RGS7: variants seen among roughly 807,000 people sequenced by gnomAD.
RGS7 encodes regulator of G-protein signaling 7.
A neutral mutation model predicts 81.1 loss-of-function variants in RGS7; 27 were observed. The ratio of observed to expected loss-of-function variants is 0.33; its 90% confidence interval spans 0.25 to 0.46. The LOEUF is 0.46. Among genes scored for constraint, RGS7 ranks in the 20% least tolerant of loss-of-function variants. RGS7 has a pLI of 1.00. For missense variants in RGS7, 396 were observed against 607.4 expected (o/e 0.65, Z 3.66); for synonymous variants, 208 against 207.7 (o/e 1.00, Z -0.01).
intron 2 of RGS7, among the ~76,000 whole-genome samples, chr1:241,263,030 C>A (rs1359983521): frequency 6.6e-6 from 1 of 150,834 alleles, no homozygotes; most frequent in Non-Finnish European, 1.5e-5. Flanking sequence ...AACCAGAAGG[C>A]TGAGGTTGCA....
At chr1:240,882,872 A>G (rs1472702422) in intron 6 of RGS7, among the ~76,000 whole-genome samples, 1 of 152,174 alleles carries the variant, frequency 6.6e-6, no homozygotes, top group Non-Finnish European at 1.5e-5. Context: ...AACAAAATAG[A>G]GCCATTTAAT....
At chr1:241,291,906 A>G (rs2079111828) in intron 2 of RGS7, among the ~76,000 whole-genome samples, 1 of 152,130 alleles carries the variant, frequency 6.6e-6, no homozygotes, top group Non-Finnish European at 1.5e-5. Context: ...AAGCACTAGG[A>G]GCTTTCCATC....
At chr1:240,807,260 T>C (rs556677076) in intron 14 of RGS7, among the ~76,000 whole-genome samples, 15 of 152,206 alleles carry the variant, frequency 9.9e-5, no homozygotes, top group Non-Finnish European at 1.9e-4. Flanking sequence ...CTAGAAATAA[T>C]GTTTAAAAGA....
chr1:241,115,489 T>C (rs1429663109), intron 2 of RGS7, among the ~76,000 whole-genome samples: 3 of 152,190 alleles, frequency 2.0e-5, no homozygotes, highest in Non-Finnish European at 4.4e-5. Context: ...AAAAATCCAC[T>C]CGTCCAGCTT....
At chr1:240,886,008 GC>G (rs756834074) in intron 6 of RGS7, among the ~76,000 whole-genome samples, 2 of 152,012 alleles carry the variant, frequency 1.3e-5, no homozygotes, top group Non-Finnish European at 2.9e-5. Flanking sequence ...TTGCTCTTTT[GC>G]TTATCGTATT....
At chr1:240,835,897 A>T (rs1156586317) in intron 9 of RGS7, among the ~76,000 whole-genome samples, 1 of 152,208 alleles carries the variant, frequency 6.6e-6, no homozygotes, top group Non-Finnish European at 1.5e-5. Flanking sequence ...CGATGGAGAC[A>T]AATAGTTTTG....
chr1:241,091,287 G>A (rs2678781), intron 3 of RGS7, among the ~76,000 whole-genome samples: 25,963 of 151,772 alleles, frequency 0.17, 2,490 homozygotes, highest in African/African-American at 0.26. Context: ...TGTGGCTCAC[G>A]CCTGTAATCT....
intron 15 of RGS7, among the ~76,000 whole-genome samples, chr1:240,804,483 T>C (rs1279594793): frequency 6.6e-6 from 1 of 152,054 alleles, no homozygotes; most frequent in Non-Finnish European, 1.5e-5. Flanking sequence ...GAATTAAATA[T>C]CTGAGCTTAA....
In RGS7 at chr1:240,958,503, G is replaced by C. The variant is rs543678221; in HGVS notation, c.227-21797C>G. Among the ~76,000 whole-genome samples the C allele has an allele frequency of 3.3e-5, 5 of 152,282 alleles. No homozygotes were observed. In the South Asian group the frequency reaches 1.0e-3, roughly 32 times the overall value. On this transcript the variant is annotated intron_variant, in intron 4 of 18. Coordinates refer to ENST00000440928, the MANE Select transcript of RGS7 (RefSeq NM_001364886.1). ...TCAGCTGTTTCATGTCATGGAATTA[G>C]ATATGCTTTGATTACAGTTTCTGCT...
At chr1:241,310,007 G>A (rs558148580) in intron 2 of RGS7, among the ~76,000 whole-genome samples, 11 of 152,216 alleles carry the variant, frequency 7.2e-5, no homozygotes, top group South Asian at 6.2e-4. Flanking sequence ...CACTATGGTC[G>A]GTGCTATTCA....
At chr1:240,994,821 A>G (rs1024572292) in intron 3 of RGS7, among the ~76,000 whole-genome samples, 2 of 151,960 alleles carry the variant, frequency 1.3e-5, no homozygotes, top group African/African-American at 4.8e-5. Context: ...GTCTCCCTCT[A>G]TTGTCCATGC....
At chr1:240,866,229 T>G (rs1674747) in intron 9 of RGS7, among the ~76,000 whole-genome samples, 1 of 151,982 alleles carries the variant, frequency 6.6e-6, no homozygotes, top group Non-Finnish European at 1.5e-5. Flanking sequence ...TAAGGGATGA[T>G]GGCCGGGCGC....
intron 4 of RGS7, among the ~76,000 whole-genome samples, chr1:240,941,025 A>T (rs1460762199): frequency 6.6e-6 from 1 of 152,114 alleles, no homozygotes; most frequent in Non-Finnish European, 1.5e-5. Context: ...TGATTTGATG[A>T]TATGCATTCT....
intron 2 of RGS7, among the ~76,000 whole-genome samples, chr1:241,298,734 C>T (rs1194880042): frequency 6.6e-6 from 1 of 152,150 alleles, no homozygotes; most frequent in African/African-American, 2.4e-5. Context: ...CTATATATGT[C>T]AAGCATTAAG....
At chr1:240,866,223 G>C (rs12029739) in intron 9 of RGS7, among the ~76,000 whole-genome samples, 9,702 of 152,242 alleles carry the variant, frequency 0.064, 1,014 homozygotes, top group African/African-American at 0.22. Flanking sequence ...AGAAAATAAG[G>C]GATGATGGCC....
intron 9 of RGS7, among the ~76,000 whole-genome samples, chr1:240,858,490 G>T (rs1661565916): frequency 6.6e-6 from 1 of 152,158 alleles, no homozygotes; most frequent in Admixed American, 6.5e-5. Flanking sequence ...ATGACGTGAT[G>T]TTGAGCATCT....
intron 10 of RGS7, among the ~76,000 whole-genome samples, chr1:240,816,806 A>G (rs1690879358): frequency 6.6e-6 from 1 of 152,216 alleles, no homozygotes; most frequent in East Asian, 1.9e-4. Context: ...TCAAAAGAAG[A>G]TTTAAAAATA....
At chr1:240,926,336 T>C (rs1674433879) in intron 6 of RGS7, among the ~76,000 whole-genome samples, 1 of 152,218 alleles carries the variant, frequency 6.6e-6, no homozygotes, top group South Asian at 2.1e-4. Flanking sequence ...AAGGTAGCGG[T>C]CCAGCTTCAT....
intron 3 of RGS7, among the ~76,000 whole-genome samples, chr1:241,014,899 G>A (rs909751694): frequency 6.6e-6 from 1 of 152,124 alleles, no homozygotes; most frequent in African/African-American, 2.4e-5. Flanking sequence ...CTTACATAGA[G>A]AAAAGGATTC....
Sources: allele counts gnomAD v4.1 joint callset (sites outside exome capture counted in the v4.1 genomes callset), GRCh38; gene constraint gnomAD v4.1.1; transcripts MANE v1.5; gene names NCBI Gene and HGNC (gene_info 2026-07-23, HGNC 2026-07-21).